ADA2: variants seen among roughly 807,000 people sequenced by gnomAD.
The protein encoded by ADA2 is adenosine deaminase 2.
A neutral mutation model predicts 44.2 loss-of-function variants in ADA2; 29 were observed. The observed-to-expected ratio is 0.66, with a 90% CI of 0.49 to 0.89. ADA2 has a LOEUF of 0.89. ADA2 is among the 40% of genes least tolerant of loss of function. ADA2 has a pLI of 0.00. For missense variants in ADA2, 637 were observed against 644.8 expected, an observed-to-expected ratio of 0.99 and a Z score of 0.13; for synonymous variants, 215 against 234.9, an observed-to-expected ratio of 0.92 and a Z score of 0.77.
intron 7 of ADA2, among the ~76,000 whole-genome samples, chr22:17,183,455 T>TA (rs1568967628): frequency 3.7e-5 from 3 of 81,370 alleles, no homozygotes; most frequent in South Asian, 4.0e-4. Flanking sequence ...TTTGTGGCAC[T>TA]CTTTTTTTTT....
At chr22:17,191,965 C>CTGCCCAGCCACCCT (rs1407514347) in intron 4 of ADA2, among the ~76,000 whole-genome samples, 155 bp from the exon 5 acceptor site, 2 of 150,926 alleles carry the variant, frequency 1.3e-5, no homozygotes, top group African/African-American at 2.4e-5. Flanking sequence ...CCAGCCACCC[C>CTGCCCAGCCACCCT]TGCCCAGCCA....
In ADA2 at chr22:17,188,491, C is replaced by A. The variant is rs747974783; in HGVS notation, c.973-44G>T. On this transcript the variant is annotated intron_variant, in intron 6 of 9. Coordinates refer to ENST00000399837, the MANE Select transcript of ADA2 (RefSeq NM_001282225.2). ...CAGGGAGGTGTCTGCAGGGCGCATG[C>A]CTCACTTGCTGATGGCGCGCCCTGG... 9 of 1,391,758 alleles carry A rather than the reference C, an allele frequency of 6.5e-6. No homozygotes were observed. In the African/African-American group the frequency reaches 8.6e-5, roughly 13 times the overall value. The allele number at this position is 1,391,758 out of a possible 1,614,324, so 86.2% of individuals were successfully genotyped here.
chr22:17,203,144 T>C (rs928311358), intron 4 of ADA2, among the ~76,000 whole-genome samples: 18 of 152,142 alleles, frequency 1.2e-4, no homozygotes, highest in African/African-American at 4.1e-4. Flanking sequence ...TGCTCAAAGG[T>C]GACCTTGTAA....
At chr22:17,221,342 G>A (rs540032296), upstream of ADA2, among the ~76,000 whole-genome samples, 1 of 152,048 alleles carries the variant, frequency 6.6e-6, no homozygotes, top group African/African-American at 2.4e-5. Flanking sequence ...CAATGTGCAG[G>A]TTTGATACAT....
intron 1 of ADA2, among the ~76,000 whole-genome samples, chr22:17,217,187 T>C (rs544254110): frequency 4.6e-5 from 7 of 151,890 alleles, no homozygotes; most frequent in Admixed American, 2.0e-4. Context: ...AATGAGATGA[T>C]TATTGGTTGA....
chr22:17,181,466 G>A lies in ADA2; in HGVS notation c.*17C>T. Reference sequence around the variant, plus strand: ...GTGTGCAAGAAGACAGCTTGTAGAGGGCTGGCTAGCTTCTCCTCACTTTGT... The same window carrying A: ...GTGTGCAAGAAGACAGCTTGTAGAGAGCTGGCTAGCTTCTCCTCACTTTGT... On this transcript the variant is annotated 3_prime_UTR_variant, in exon 10 of 10. Coordinates refer to ENST00000399837, the MANE Select transcript of ADA2 (RefSeq NM_001282225.2). The A allele has an allele frequency of 1.3e-6, 2 of 1,528,466 alleles. No homozygotes were observed. Among genetic ancestry groups the A allele is most frequent in the Non-Finnish European group, 1.8e-6 (2 of 1,101,916 alleles). 94.7% of individuals were successfully genotyped at this position (1,528,466 alleles called of 1,614,324 possible).
intron 4 of ADA2, chr22:17,199,429 C>CCA: frequency 9.9e-7 from 1 of 1,006,824 alleles, no homozygotes; most frequent in Admixed American, 1.7e-5. Flanking sequence ...TCCCTCCCCT[C>CCA]CTCTATCCTC....
At chr22:17,195,300 G>C (rs752945250) in intron 4 of ADA2, among the ~76,000 whole-genome samples, 4 of 151,984 alleles carry the variant, frequency 2.6e-5, no homozygotes, top group Non-Finnish European at 5.9e-5. Flanking sequence ...AGATCACCTC[G>C]GGCAAATCAC....
At chr22:17,195,752 A>C (rs1412889642) in intron 4 of ADA2, among the ~76,000 whole-genome samples, 1 of 145,344 alleles carries the variant, frequency 6.9e-6, no homozygotes, top group African/African-American at 2.6e-5. Flanking sequence ...ATTTAGAATA[A>C]TTTCTTTCCT....
At chr22:17,216,984 T>C (rs955232172) in intron 1 of ADA2, among the ~76,000 whole-genome samples, 27 of 151,888 alleles carry the variant, frequency 1.8e-4, no homozygotes, top group African/African-American at 6.0e-4. Context: ...GAAAGAACTG[T>C]AATTAACATC....
intron 4 of ADA2, among the ~76,000 whole-genome samples, chr22:17,192,478 A>G (rs1035763143): frequency 6.6e-6 from 1 of 152,106 alleles, no homozygotes; most frequent in African/African-American, 2.4e-5. Flanking sequence ...AGGGGGACAC[A>G]GTGAGAGCAG....
At chr22:17,201,787 G>A (rs750392795) in intron 4 of ADA2, among the ~76,000 whole-genome samples, 1 of 152,182 alleles carries the variant, frequency 6.6e-6, no homozygotes, top group Middle Eastern at 3.4e-3. Flanking sequence ...CCAACACGGA[G>A]CCTGGTGTCA....
At chr22:17,204,796 T>TC (rs1370700065) in intron 3 of ADA2, among the ~76,000 whole-genome samples, 3 of 143,142 alleles carry the variant, frequency 2.1e-5, no homozygotes, top group Non-Finnish European at 4.5e-5. Context: ...AATTCCTTCT[T>TC]TTTTTTTTTT....
chr22:17,199,667 C>CCA, intron 4 of ADA2: 1 of 1,607,684 alleles, frequency 6.2e-7, no homozygotes, highest in South Asian at 1.1e-5. Flanking sequence ...CTCAGAGAGC[C>CCA]CAGCGCGGTG....
At chr22:17,200,136 A>G (rs1207002655) in intron 4 of ADA2, among the ~76,000 whole-genome samples, 1 of 152,068 alleles carries the variant, frequency 6.6e-6, no homozygotes, top group East Asian at 1.9e-4. Flanking sequence ...CGGAGGTTAC[A>G]ATGCGCCAAG....
At chr22:17,200,621 A>G (rs78833243) in intron 4 of ADA2, among the ~76,000 whole-genome samples, 2,509 of 152,184 alleles carry the variant, frequency 0.016, 70 homozygotes, top group African/African-American at 0.058. Flanking sequence ...AAGGCCGGGC[A>G]TGGTGGCTCG....
intron 6 of ADA2, chr22:17,188,871 A>AAAAAAAAAAG (rs1568972754): frequency 7.5e-6 from 1 of 133,574 alleles, no homozygotes; most frequent in Admixed American, 7.8e-5. Context: ...AGCAAAAAAT[A>AAAAAAAAAAG]TATATATATA....
chr22:17,195,923 A>T (rs2062184954), intron 4 of ADA2, among the ~76,000 whole-genome samples: 1 of 151,360 alleles, frequency 6.6e-6, no homozygotes, highest in African/African-American at 2.4e-5. Flanking sequence ...ATTTTTTTGT[A>T]TTTCTGGTAG....
At position 17,181,453 on chromosome 22, in the gene ADA2, A is replaced by G. The variant is rs1410316322; in HGVS notation, c.*30T>C. Reference sequence around the variant, plus strand: ...AGGAAGTGACAGCGTGTGCAAGAAGACAGCTTGTAGAGGGCTGGCTAGCTT... The same window carrying G: ...AGGAAGTGACAGCGTGTGCAAGAAGGCAGCTTGTAGAGGGCTGGCTAGCTT... On this transcript the variant is annotated 3_prime_UTR_variant, in exon 10 of 10. Coordinates refer to ENST00000399837, the MANE Select transcript of ADA2 (RefSeq NM_001282225.2). 1.4e-6 allele frequency: 2 copies of G among 1,423,324 alleles called. No individual in the cohort carries two copies. 88.2% of individuals were successfully genotyped at this position (1,423,324 alleles called of 1,614,324 possible).
Sources: allele counts gnomAD v4.1 joint callset (sites outside exome capture counted in the v4.1 genomes callset), GRCh38; gene constraint gnomAD v4.1.1; transcripts MANE v1.5; gene names NCBI Gene and HGNC (gene_info 2026-07-23, HGNC 2026-07-21).